Variants in ACOT7 observed in about 807,000 individuals in gnomAD.
The protein encoded by ACOT7 is acyl-CoA thioesterase 7.
Under a neutral mutation model 40.2 loss-of-function variants are expected in ACOT7, and 12 were observed. The ratio of observed to expected loss-of-function variants is 0.30; its 90% CI spans 0.19 to 0.48. The LOEUF is 0.48. Ranked by LOEUF, ACOT7 falls within the 20% of genes least tolerant of loss-of-function variation. The pLI is 0.99. For missense variants in ACOT7, 395 were observed against 530.8 expected, an observed-to-expected ratio of 0.74 and a Z score of 2.51; for synonymous variants, 228 against 219.5, an observed-to-expected ratio of 1.04 and a Z score of -0.34.
At chr1:6,379,146 G>A (rs907232498) in intron 1 of ACOT7, among the ~76,000 whole-genome samples, 2 of 151,858 alleles carry the variant, frequency 1.3e-5, no homozygotes, top group East Asian at 1.9e-4. Flanking sequence ...CGCCCACCTC[G>A]GTCTCCCAAA....
intron 1 of ACOT7, chr1:6,385,707 T>C: frequency 6.3e-7 from 1 of 1,590,672 alleles, no homozygotes; most frequent in Non-Finnish European, 8.5e-7. Flanking sequence ...GTGACAAGTA[T>C]GATGCCCAGC....
intron 8 of ACOT7, among the ~76,000 whole-genome samples, chr1:6,277,778 G>A (rs1292478943): frequency 1.3e-5 from 2 of 152,138 alleles, no homozygotes; most frequent in Non-Finnish European, 1.5e-5. Flanking sequence ...TGTCTTCTTC[G>A]TGACCCTGGA....
intron 8 of ACOT7, among the ~76,000 whole-genome samples, chr1:6,280,888 CCGCTGGTT>C (rs1304242027): frequency 6.6e-6 from 1 of 152,096 alleles, no homozygotes. Flanking sequence ...AAAGGCCTAC[CCGCTGGTT>C]ATGAAGCGTT....
Position 6,294,850 on chromosome 1 carries a change from AG to A in ACOT7, c.829+13del, listed in dbSNP as rs767792777. The A allele has an allele frequency of 1.2e-6, 2 of 1,610,988 alleles. No homozygotes were observed. The highest frequency in any genetic ancestry group is 1.7e-6 in the Non-Finnish European group (2 of 1,177,488). The stretch of plus-strand genomic sequence containing the variant: ...GGCCACTGCCTCCCTCGTCTTTGCC[AG>A]AAGAGTGGTTACCTTTTCTGATCTT... On this transcript the variant is annotated intron_variant, in intron 7 of 8. Transcript: ENST00000361521. The surrounding 1 kb of genome is among the most constrained non-coding windows in gnomAD (Gnocchi z 4.6).
intron 1 of ACOT7, among the ~76,000 whole-genome samples, chr1:6,372,035 ACT>A (rs796918219): frequency 2.0e-5 from 3 of 149,806 alleles, no homozygotes; most frequent in South Asian, 4.2e-4. Flanking sequence ...ACAGAGCAAA[ACT>A]CTGTGTCAAA....
In ACOT7 at chr1:6,358,132, G is replaced by A. The variant is rs1430901996; in HGVS notation, c.144-8266C>T. Among the ~76,000 whole-genome samples the A allele has an allele frequency of 6.6e-6, 1 of 152,018 alleles. No individual in the cohort carries two copies. Among genetic ancestry groups the A allele is most frequent in the Non-Finnish European group, 1.5e-5 (1 of 67,996 alleles). On this transcript the variant is annotated intron_variant, in intron 1 of 8. Coordinates refer to ENST00000361521, the MANE Select transcript of ACOT7 (RefSeq NM_007274.4). This position sits in a 1 kb window ranked among gnomAD's most constrained non-coding sequence, Gnocchi z 4.1. ...GATCCACCTGCCTCGGCCTCCCAAA[G>A]TGCTGAGATTACAGGCGTGAGTCAC...
At chr1:6,365,433 A>AGTGCAT (rs1641983180) in intron 1 of ACOT7, among the ~76,000 whole-genome samples, 1 of 152,178 alleles carries the variant, frequency 6.6e-6, no homozygotes, top group East Asian at 1.9e-4. Context: ...TAAGTGTATA[A>AGTGCAT]TAGCATTATG....
At position 6,359,833 on chromosome 1, in the gene ACOT7, A is replaced by C. The variant is rs12735675; in HGVS notation, c.144-9967T>G. On this transcript the variant is annotated intron_variant, in intron 1 of 8. Transcript: ENST00000361521. The surrounding 1 kb of genome is among the most constrained non-coding windows in gnomAD (Gnocchi z 4.1). ...GAGTGCAGGCCGCACAGCCTCAACC[A>C]GGCTGCACCCGCCGGCCTCTGGGCA... Among the ~76,000 whole-genome samples, 14,986 of 152,228 alleles carry C rather than the reference A, an allele frequency of 0.098. 1,491 individuals are homozygous for C. The highest frequency in any genetic ancestry group is 0.26 in the African/African-American group (10,638 of 41,486).
At chr1:6,308,767 G>A (rs1401754935) in intron 6 of ACOT7, among the ~76,000 whole-genome samples, 1 of 142,084 alleles carries the variant, frequency 7.0e-6, no homozygotes, top group African/African-American at 2.7e-5. Context: ...CTGCAACCAC[G>A]TGAAGGGAAC....
At chr1:6,272,031 G>A in intron 8 of ACOT7, among the ~76,000 whole-genome samples, 1 of 152,256 alleles carries the variant, frequency 6.6e-6, no homozygotes, top group East Asian at 1.9e-4. Flanking sequence ...GGACATGGCG[G>A]TCCCCACCCT....
intron 1 of ACOT7, among the ~76,000 whole-genome samples, chr1:6,353,797 C>T (rs1396851435): frequency 6.6e-6 from 1 of 152,140 alleles, no homozygotes; most frequent in Non-Finnish European, 1.5e-5. Context: ...GTTATTCCTC[C>T]CCCAGCCCCC....
Position 6,393,416 on chromosome 1 carries a change from G to A in ACOT7, c.-17C>T, listed in dbSNP as rs1052865211. ...CCGCGCCATAAAGGGGGAGGGCAGA[G>A]GTGGAGCGATGGGGCTGGTGAGGCG... On this transcript the variant is annotated 5_prime_UTR_variant, in exon 1 of 9. Coordinates refer to ENST00000361521, the MANE Select transcript of ACOT7 (RefSeq NM_007274.4). 15 of 1,225,488 alleles carry A rather than the reference G, an allele frequency of 1.2e-5. No individual in the cohort carries two copies. Among genetic ancestry groups the A allele is most frequent in the Admixed American group, 8.7e-5 (2 of 23,118 alleles). The allele number at this position is 1,225,488 out of a possible 1,614,324, so 75.9% of individuals were successfully genotyped here. A position where few individuals can be genotyped will look rare whatever the true frequency, so the allele number is the denominator to read the frequency against.
At chr1:6,328,062 G>A (rs1220533176) in intron 4 of ACOT7, among the ~76,000 whole-genome samples, 1 of 151,970 alleles carries the variant, frequency 6.6e-6, no homozygotes, top group African/African-American at 2.4e-5. Context: ...GTGAGCCACC[G>A]TGCCCGGCCC....
chr1:6,285,345 C>G (rs946073269), intron 7 of ACOT7, among the ~76,000 whole-genome samples: 1 of 152,250 alleles, frequency 6.6e-6, no homozygotes, highest in Admixed American at 6.5e-5. Context: ...CCGGTACTTC[C>G]TTCCAGTCTC....
At position 6,264,591 on chromosome 1, in the gene ACOT7, G is replaced by T. The variant is rs1300184884; in HGVS notation, c.*6C>A. On this transcript the variant is annotated 3_prime_UTR_variant, in exon 9 of 9. Coordinates refer to ENST00000361521, the MANE Select transcript of ACOT7 (RefSeq NM_007274.4). The stretch of plus-strand genomic sequence containing the variant: ...ACTCGAGGCACCAGTGGCAGGAGGA[G>T]GGAGTCTAGGGCTGAGGCTCCGCGT... The T allele has an allele frequency of 6.2e-7, 1 of 1,609,650 alleles. No homozygotes were observed.
chr1:6,279,148 C>T (rs1299932750), intron 8 of ACOT7, among the ~76,000 whole-genome samples: 1 of 152,152 alleles, frequency 6.6e-6, no homozygotes, highest in Non-Finnish European at 1.5e-5. Flanking sequence ...TTGGAGAAGG[C>T]GTGTCCAAGG....
intron 4 of ACOT7, among the ~76,000 whole-genome samples, chr1:6,327,639 T>G (rs1640841901): frequency 6.6e-6 from 1 of 152,232 alleles, no homozygotes; most frequent in South Asian, 2.1e-4. Context: ...AGATCCTTCC[T>G]GGAATTGCTT....
intron 6 of ACOT7, among the ~76,000 whole-genome samples, chr1:6,296,115 C>T (rs950109591): frequency 6.6e-6 from 1 of 151,594 alleles, no homozygotes; most frequent in African/African-American, 2.4e-5. Flanking sequence ...AGGCTGGCCT[C>T]GAACTCCTGG....
intron 1 of ACOT7, among the ~76,000 whole-genome samples, chr1:6,361,700 G>A (rs1317332965): frequency 6.6e-6 from 1 of 152,186 alleles, no homozygotes; most frequent in African/African-American, 2.4e-5. Context: ...GGGAAGGTGA[G>A]GCAGGAGAAT....
Sources: allele counts gnomAD v4.1 joint callset (sites outside exome capture counted in the v4.1 genomes callset), GRCh38; gene constraint gnomAD v4.1.1; non-coding constraint Gnocchi (gnomAD v3.1); transcripts MANE v1.5; gene names NCBI Gene and HGNC (gene_info 2026-07-23, HGNC 2026-07-21).